RABGAP1L: variants seen among roughly 807,000 people sequenced by gnomAD.
The protein encoded by RABGAP1L is RAB GTPase activating protein 1 like.
A neutral mutation model predicts 137.7 loss-of-function variants in RABGAP1L; 63 were observed. The observed-to-expected ratio is 0.46, with a 90% CI of 0.37 to 0.56. The LOEUF (loss-of-function observed/expected upper bound fraction) is 0.56. RABGAP1L is among the 20% of genes least tolerant of loss of function. The pLI, the probability that RABGAP1L is intolerant of heterozygous loss-of-function variation, is 0.00. For missense variants in RABGAP1L, 1,095 were observed against 1,244.0 expected (o/e 0.88, Z 1.80); for synonymous variants, 431 against 433.7 (o/e 0.99, Z 0.08).
At chr1:174,803,512 T>G (rs969578209) in intron 18 of RABGAP1L, among the ~76,000 whole-genome samples, 7 of 152,128 alleles carry the variant, frequency 4.6e-5, no homozygotes, top group African/African-American at 1.7e-4. Flanking sequence ...CCTCCAGAAA[T>G]TTTTAGCTGA....
Position 174,329,210 on chromosome 1 carries a change from T to G in RABGAP1L, c.1465+24083T>G, listed in dbSNP as rs78209255. ...ATCATAAGAAACTGCTATGAACAAT[T>G]ATATGCCAACAAGTTGGATAACCTA... On this transcript the variant is annotated intron_variant, in intron 11 of 25. Transcript: ENST00000681986. Among the ~76,000 whole-genome samples, 32 of 152,250 alleles carry G rather than the reference T, an allele frequency of 2.1e-4. No homozygotes were observed. The East Asian group carries it at 6.0e-3, about 28-fold the overall frequency.
chr1:174,339,314 A>C (rs1681759117), intron 11 of RABGAP1L, among the ~76,000 whole-genome samples: 1 of 152,216 alleles, frequency 6.6e-6, no homozygotes, highest in African/African-American at 2.4e-5. Flanking sequence ...TGAAGTAGCA[A>C]GAGAAAAAGA....
At chr1:174,266,979 T>C (rs1274168398) in intron 7 of RABGAP1L, among the ~76,000 whole-genome samples, 1 of 152,172 alleles carries the variant, frequency 6.6e-6, no homozygotes, top group Non-Finnish European at 1.5e-5. Context: ...TGAAAAAGTA[T>C]GATAAATTTA....
intron 1 of RABGAP1L, chr1:174,160,049 G>A (rs1183297257): frequency 1.3e-5 from 2 of 152,430 alleles, no homozygotes; most frequent in Middle Eastern, 3.4e-3. Context: ...CCCTGCGTCC[G>A]GTGGGCGAGT....
At chr1:174,811,383 G>A (rs1689857736) in intron 18 of RABGAP1L, among the ~76,000 whole-genome samples, 2 of 152,162 alleles carry the variant, frequency 1.3e-5, no homozygotes, top group South Asian at 4.1e-4. Context: ...CCCATTAGGT[G>A]TTTATTGTGT....
intron 13 of RABGAP1L, among the ~76,000 whole-genome samples, chr1:174,615,378 T>C (rs1169313777): frequency 2.6e-5 from 4 of 152,214 alleles, no homozygotes; most frequent in African/African-American, 9.7e-5. Context: ...CAGCAGTGGC[T>C]GCAGAACTGC....
chr1:174,916,076 G>GTT (rs372029582), intron 19 of RABGAP1L, among the ~76,000 whole-genome samples: 67 of 113,574 alleles, frequency 5.9e-4, no homozygotes, highest in South Asian at 1.1e-3. Flanking sequence ...TTTTTCTTTA[G>GTT]TTTTTTTTTT....
intron 19 of RABGAP1L, among the ~76,000 whole-genome samples, chr1:174,926,260 T>A (rs1214432900): frequency 6.6e-6 from 1 of 152,182 alleles, no homozygotes; most frequent in African/African-American, 2.4e-5. Flanking sequence ...TTCACTATTC[T>A]TGGTCCTTTT....
At chr1:174,940,413 C>T (rs1449751143) in intron 19 of RABGAP1L, among the ~76,000 whole-genome samples, 1 of 151,952 alleles carries the variant, frequency 6.6e-6, no homozygotes, top group Non-Finnish European at 1.5e-5. Flanking sequence ...GGACTACAGG[C>T]ACATACCACT....
intron 7 of RABGAP1L, among the ~76,000 whole-genome samples, chr1:174,272,027 G>C (rs4652294): frequency 0.59 from 89,254 of 151,578 alleles, 29,207 homozygotes; most frequent in African/African-American, 0.9. Context: ...TAAAAACCTC[G>C]TTTTTGGTTT....
chr1:174,582,201 C>T (rs916789926), intron 13 of RABGAP1L, among the ~76,000 whole-genome samples: 13 of 151,718 alleles, frequency 8.6e-5, no homozygotes, highest in African/African-American at 3.1e-4. Context: ...GCAAAAAACC[C>T]ATCTGTACAA....
At chr1:174,802,919 A>G (rs1197001541) in intron 18 of RABGAP1L, among the ~76,000 whole-genome samples, 4 of 152,218 alleles carry the variant, frequency 2.6e-5, no homozygotes, top group African/African-American at 7.2e-5. Context: ...CACATGCAGT[A>G]TTGCAATCTT....
intron 13 of RABGAP1L, among the ~76,000 whole-genome samples, chr1:174,614,266 C>G (rs1021645958): frequency 1.3e-5 from 2 of 152,182 alleles, no homozygotes; most frequent in Admixed American, 6.5e-5. Flanking sequence ...GTGACAAAAT[C>G]TCTCAGCATT....
At chr1:174,464,977 C>G (rs976708123) in intron 13 of RABGAP1L, among the ~76,000 whole-genome samples, 1 of 152,000 alleles carries the variant, frequency 6.6e-6, no homozygotes. Flanking sequence ...AAAATACTTC[C>G]TAATTAATGA....
chr1:174,924,204 T>G (rs1662299934), intron 19 of RABGAP1L, among the ~76,000 whole-genome samples: 1 of 151,826 alleles, frequency 6.6e-6, no homozygotes, highest in African/African-American at 2.4e-5. Flanking sequence ...CTGGCCAACA[T>G]GGTGAAACCA....
At chr1:174,625,296 AT>A (rs1180074943) in intron 13 of RABGAP1L, among the ~76,000 whole-genome samples, 20 of 152,324 alleles carry the variant, frequency 1.3e-4, no homozygotes, top group African/African-American at 3.8e-4. Context: ...TAACAGTTAT[AT>A]CTTCTACATC....
chr1:174,664,728 TGC>T (rs1210214266), intron 14 of RABGAP1L, among the ~76,000 whole-genome samples: 39 of 119,432 alleles, frequency 3.3e-4, no homozygotes, highest in African/African-American at 1.0e-3. Flanking sequence ...TCTTTCTTTC[TGC>T]TTTCTTTTTT....
At chr1:174,958,101 TC>T (rs1297410057) in intron 20 of RABGAP1L, 3 of 1,514,188 alleles carry the variant, frequency 2.0e-6, no homozygotes, top group Admixed American at 2.0e-5. Context: ...CAAGGATGTT[TC>T]AAACTTGCCT....
At chr1:174,649,818 C>A (rs1018151580) in intron 14 of RABGAP1L, among the ~76,000 whole-genome samples, 2 of 152,046 alleles carry the variant, frequency 1.3e-5, no homozygotes, top group African/African-American at 4.8e-5. Context: ...AACTGAATAC[C>A]CTTTATTTCC....
Sources: allele counts gnomAD v4.1 joint callset (sites outside exome capture counted in the v4.1 genomes callset), GRCh38; gene constraint gnomAD v4.1.1; transcripts MANE v1.5; gene names NCBI Gene and HGNC (gene_info 2026-07-23, HGNC 2026-07-21).